DERA: variants seen among roughly 807,000 people sequenced by gnomAD.
The protein encoded by DERA is deoxyribose-phosphate aldolase, also known as 2-deoxy-D-ribose 5-phosphate aldolase.
In DERA, 15 loss-of-function variants were observed where a neutral mutation model predicts 41.1. The observed-to-expected ratio is 0.37, with a 90% CI of 0.24 to 0.56. The LOEUF (loss-of-function observed/expected upper bound fraction) is 0.56. DERA is among the 20% of genes least tolerant of loss of function. DERA has a pLI of 0.81. For missense variants in DERA, 396 were observed against 403.4 expected, an observed-to-expected ratio of 0.98 and a Z score of 0.16; for synonymous variants, 139 against 137.4, an observed-to-expected ratio of 1.01 and a Z score of -0.08.
chr12:16,018,435 T>C (rs1379439087), intron 6 of DERA, among the ~76,000 whole-genome samples: 1 of 152,186 alleles, frequency 6.6e-6, no homozygotes, highest in African/African-American at 2.4e-5. Context: ...GTACATTTCT[T>C]TAATGAACTG....
Position 16,004,059 on chromosome 12 carries a change from T to G in DERA, c.637+21623T>G, listed in dbSNP as rs576467128. ...GGGCTGGCTGGGACTTACTACCACA[T>G]GAAATCTGGAAAAGTACATTCTGAT... is the stretch of plus-strand genomic sequence containing the variant. On this transcript the variant is annotated intron_variant, in intron 6 of 8. Transcript: ENST00000428559. The surrounding 1 kb of genome is among the most constrained non-coding windows in gnomAD (Gnocchi z 4.2). Among the ~76,000 whole-genome samples, 3 of 152,310 alleles carry G rather than the reference T, an allele frequency of 2.0e-5. No individual in the cohort carries two copies. Among genetic ancestry groups the G allele is most frequent in the African/African-American group, 7.2e-5 (3 of 41,580 alleles).
intron 6 of DERA, among the ~76,000 whole-genome samples, chr12:16,022,937 A>T (rs1296875132): frequency 1.3e-5 from 2 of 152,162 alleles, no homozygotes; most frequent in Non-Finnish European, 2.9e-5. Flanking sequence ...GGAGAAGATA[A>T]TCATTGTGCA....
intron 1 of DERA, among the ~76,000 whole-genome samples, chr12:15,951,807 T>C (rs1025601008): frequency 6.6e-6 from 1 of 152,348 alleles, no homozygotes. Flanking sequence ...AGTTTTATTT[T>C]AAAAAGCACA....
intron 6 of DERA, among the ~76,000 whole-genome samples, chr12:16,022,679 G>C (rs1374560878): frequency 6.6e-6 from 1 of 152,164 alleles, no homozygotes; most frequent in Non-Finnish European, 1.5e-5. Context: ...ACCTGAGGTC[G>C]CAAGGTAAAC....
chr12:15,971,162 G>A (rs530324882), intron 5 of DERA, among the ~76,000 whole-genome samples: 1 of 152,288 alleles, frequency 6.6e-6, no homozygotes, highest in South Asian at 2.1e-4. Context: ...ATAAATTTCT[G>A]TTTTCTGTTT....
chr12:15,923,954 T>C (rs1170608775), intron 1 of DERA, among the ~76,000 whole-genome samples: 4 of 152,236 alleles, frequency 2.6e-5, no homozygotes, highest in African/African-American at 9.6e-5. Flanking sequence ...CAGAATGTTC[T>C]TTCATTTCAT....
chr12:16,006,665 T>C (rs1004247770), intron 6 of DERA, among the ~76,000 whole-genome samples: 7 of 152,242 alleles, frequency 4.6e-5, no homozygotes, highest in African/African-American at 1.7e-4. Flanking sequence ...GACATGTCTC[T>C]CAGCATATGT....
chr12:15,988,000 C>T (rs933500239), intron 6 of DERA, among the ~76,000 whole-genome samples: 5 of 152,234 alleles, frequency 3.3e-5, no homozygotes, highest in African/African-American at 1.2e-4. Context: ...AGACTCCATG[C>T]GAGGCTGTGG....
chr12:16,021,265 C>T lies in DERA; in HGVS notation c.638-11277C>T, dbSNP rs898989019. Among the ~76,000 whole-genome samples, 1 of 152,222 alleles carries T rather than the reference C, an allele frequency of 6.6e-6. No homozygotes were observed. The highest frequency in any genetic ancestry group is 2.4e-5 in the African/African-American group (1 of 41,464). ...TACTGCCTTGCACAGCCTCAGTATGCTGCCACCAGAATCCTAGAAGCCTCA... is the reference window on the plus strand; with the variant it reads ...TACTGCCTTGCACAGCCTCAGTATGTTGCCACCAGAATCCTAGAAGCCTCA... On this transcript the variant is annotated intron_variant, in intron 6 of 8. Transcript: ENST00000428559. This position sits in a 1 kb window ranked among gnomAD's most constrained non-coding sequence, Gnocchi z 5.3.
chr12:16,019,660 C>A lies in DERA; in HGVS notation c.638-12882C>A, dbSNP rs1284262861. Among the ~76,000 whole-genome samples, 1 of 151,900 alleles carries A rather than the reference C, an allele frequency of 6.6e-6. No homozygotes were observed. Among genetic ancestry groups the A allele is most frequent in the Non-Finnish European group, 1.5e-5 (1 of 67,986 alleles). On this transcript the variant is annotated intron_variant, in intron 6 of 8. Coordinates refer to ENST00000428559, the MANE Select transcript of DERA (RefSeq NM_015954.4). This position sits in a 1 kb window ranked among gnomAD's most constrained non-coding sequence, Gnocchi z 4.4. ...ATGGTGGTGTTCTTCCATGTGTGCC[C>A]TCTCATCTTTAAATTTTGTCTCTCC...
Position 16,037,358 on chromosome 12 carries a change from C to T in DERA, c.*612C>T, listed in dbSNP as rs1359880155. ...CATAATGAAAAAATAATCCATTAAA[C>T]ATAAAAAGAGGTTTGATCAGTGAGT... On this transcript the variant is annotated 3_prime_UTR_variant, in exon 9 of 9. Transcript: ENST00000428559. This position sits in a 1 kb window ranked among gnomAD's most constrained non-coding sequence, Gnocchi z 6.7. 2 of 152,014 alleles carry T rather than the reference C, an allele frequency of 1.3e-5. No individual in the cohort carries two copies. Among genetic ancestry groups the T allele is most frequent in the Non-Finnish European group, 2.9e-5 (2 of 68,042 alleles). The allele number at this position is 152,014 out of a possible 1,614,324, so 9.4% of individuals were successfully genotyped here. A position where few individuals can be genotyped will look rare whatever the true frequency, so the allele number is the denominator to read the frequency against.
Position 15,981,248 on chromosome 12 carries a change from T to C in DERA, c.509-1060T>C, listed in dbSNP as rs1297487082. Among the ~76,000 whole-genome samples, 7 of 152,254 alleles carry C rather than the reference T, an allele frequency of 4.6e-5. No individual in the cohort carries two copies. The South Asian group carries it at 1.0e-3, about 23-fold the overall frequency. On this transcript the variant is annotated intron_variant, in intron 5 of 8. Transcript: ENST00000428559. The surrounding 1 kb of genome is among the most constrained non-coding windows in gnomAD (Gnocchi z 6.1). ...CTGTAGTCCCAGCTACTCGGGAGGC[T>C]GAGGCAGGAGAATGGCGTGAACCCC...
At chr12:15,916,196 G>A (rs1488051037) in intron 1 of DERA, 1 of 152,154 alleles carries the variant, frequency 6.6e-6, no homozygotes, top group African/African-American at 2.4e-5. Context: ...AGTAGGGTTC[G>A]ATGTTAGTGA....
intron 5 of DERA, among the ~76,000 whole-genome samples, chr12:15,975,191 A>G (rs1948688730): frequency 6.6e-6 from 1 of 152,086 alleles, no homozygotes; most frequent in Non-Finnish European, 1.5e-5. Context: ...AGTCTCCCTG[A>G]GCATTTGGGC....
rs550988615 is a variant in DERA at position 16,004,429 on chromosome 12, G to A, written c.637+21993G>A. Among the ~76,000 whole-genome samples, 1 of 152,086 alleles carries A rather than the reference G, an allele frequency of 6.6e-6. No individual in the cohort carries two copies. The highest frequency in any genetic ancestry group is 2.1e-4 in the South Asian group (1 of 4,820). ...TGATTTATAAATCTAGAAGCCTCAT[G>A]TTTTCTGGAATCCTTAATAAAAAAT... On this transcript the variant is annotated intron_variant, in intron 6 of 8. Transcript: ENST00000428559. This position sits in a 1 kb window ranked among gnomAD's most constrained non-coding sequence, Gnocchi z 4.2.
chr12:15,948,327 C>T (rs886218680), intron 1 of DERA, among the ~76,000 whole-genome samples: 1 of 152,220 alleles, frequency 6.6e-6, no homozygotes, highest in Admixed American at 6.5e-5. Context: ...CTCCCCATCA[C>T]TTTCAGGTAC....
rs985941691 is a variant in DERA, at chr12:15,936,737, T to A, written c.32-20199T>A. ...TGTCTTCCTTTAGAGCAGAACTCCCTTTTTAGTATCATTATACTGGGTTAT... is the reference window on the plus strand; with the variant it reads ...TGTCTTCCTTTAGAGCAGAACTCCCATTTTAGTATCATTATACTGGGTTAT... On this transcript the variant is annotated intron_variant, in intron 1 of 8. Coordinates refer to ENST00000428559, the MANE Select transcript of DERA (RefSeq NM_015954.4). This position sits in a 1 kb window ranked among gnomAD's most constrained non-coding sequence, Gnocchi z 4.6. 1.3e-5 allele frequency among the ~76,000 whole-genome samples: 2 copies of A among 152,230 alleles called. No individual in the cohort carries two copies.
chr12:16,018,834 T>G (rs550854677), intron 6 of DERA, among the ~76,000 whole-genome samples: 63 of 152,312 alleles, frequency 4.1e-4, no homozygotes, highest in African/African-American at 1.5e-3. Context: ...TAATTTCAAC[T>G]AATCACAGTT....
At position 15,957,670 on chromosome 12, in the gene DERA, A is replaced by G. The variant is rs1004264114; in HGVS notation, c.130-518A>G. 3.9e-5 allele frequency among the ~76,000 whole-genome samples: 6 copies of G among 152,234 alleles called. No individual in the cohort carries two copies. The highest frequency in any genetic ancestry group is 1.4e-4 in the African/African-American group (6 of 41,460). ...CTCATCCTTAGAAATATTCTGGTTG[A>G]AAAGGTAAAATAAAATTCATCAGAC... On this transcript the variant is annotated intron_variant, in intron 2 of 8. Coordinates refer to ENST00000428559, the MANE Select transcript of DERA (RefSeq NM_015954.4). This position sits in a 1 kb window ranked among gnomAD's most constrained non-coding sequence, Gnocchi z 4.8.
Sources: gnomAD v4.1 joint callset for allele counts (sites outside exome capture counted in the v4.1 genomes callset) on GRCh38, gnomAD v4.1.1 for gene constraint, Gnocchi (gnomAD v3.1) non-coding constraint, MANE v1.5 for transcripts, NCBI Gene and HGNC (gene_info 2026-07-23, HGNC 2026-07-21) for gene names.